Variants in TECRL observed in about 807,000 individuals in gnomAD.
TECRL encodes trans-2,3-enoyl-CoA reductase-like.
TECRL carries 63 observed loss-of-function variants against 52.8 expected under a neutral mutation model. That is an observed-to-expected ratio of 1.19 (90% CI 0.97 to 1.47). The LOEUF is 1.47. Ranked by LOEUF, TECRL falls within the 40% of genes most tolerant of loss-of-function variation. The pLI is 0.00. For synonymous variants in TECRL, 164 were observed against 141.9 expected (o/e 1.16, Z -1.10); for missense variants, 482 against 429.6 (o/e 1.12, Z -1.08).
chr4:64,336,493 G>C (rs1327798781), intron 2 of TECRL, among the ~76,000 whole-genome samples: 3 of 152,026 alleles, frequency 2.0e-5, no homozygotes, highest in Non-Finnish European at 4.4e-5. Context: ...AGGGTTTTTT[G>C]TGTCTCTATC....
intron 1 of TECRL, among the ~76,000 whole-genome samples, chr4:64,399,395 A>AT (rs1724185773): frequency 6.6e-6 from 1 of 152,214 alleles, no homozygotes; most frequent in Non-Finnish European, 1.5e-5. Flanking sequence ...TAGAAAAAAA[A>AT]AGAGTTTTTT....
At chr4:64,333,571 T>C (rs562416166) in intron 2 of TECRL, among the ~76,000 whole-genome samples, 1 of 152,308 alleles carries the variant, frequency 6.6e-6, no homozygotes, top group African/African-American at 2.4e-5. Flanking sequence ...TGTATGTGCA[T>C]ATGCAAAAAA....
chr4:64,329,605 ATC>A (rs1455543005), intron 2 of TECRL, among the ~76,000 whole-genome samples: 5 of 151,948 alleles, frequency 3.3e-5, no homozygotes. Context: ...AAATTTAACT[ATC>A]TAGAAAATAT....
rs749374215 is a variant in TECRL, at chr4:64,409,386, A to G, written c.-35T>C. ...TAAGAGGAGGGTCTGTCATGTCAAA[A>G]GTAGAAAATTGCAAGTGTGTTCCTT... On this transcript the variant is annotated 5_prime_UTR_variant, in exon 1 of 12. Coordinates refer to ENST00000381210, the MANE Select transcript of TECRL (RefSeq NM_001010874.5). 2.1e-5 allele frequency: 34 copies of G among 1,599,286 alleles called. No individual in the cohort carries two copies. Among genetic ancestry groups the G allele is most frequent in the Non-Finnish European group, 2.7e-5 (32 of 1,171,612 alleles).
rs1722823527 is a variant in TECRL, at chr4:64,281,457, A to G, written c.918+17T>C. 6.9e-7 allele frequency: 1 copy of G among 1,449,252 alleles called. No homozygotes were observed. Among genetic ancestry groups the G allele is most frequent in the Non-Finnish European group, 9.6e-7 (1 of 1,041,324 alleles). The allele number at this position is 1,449,252 out of a possible 1,614,324, so 89.8% of individuals were successfully genotyped here. A position where few individuals can be genotyped will look rare whatever the true frequency, so the allele number is the denominator to read the frequency against. On this transcript the variant is annotated intron_variant, in intron 10 of 11. Transcript: ENST00000381210. Reference sequence around the variant, plus strand: ...TCATGAATAGGATTCAAGCATTTACATACATAAATAACATACCTCATAGGT... The same window carrying G: ...TCATGAATAGGATTCAAGCATTTACGTACATAAATAACATACCTCATAGGT...
In TECRL at chr4:64,279,275, G is replaced by A. The variant is rs1722698542; in HGVS notation, c.*797C>T. 6.6e-6 allele frequency: 1 copy of A among 151,748 alleles called. No individual in the cohort carries two copies. The highest frequency in any genetic ancestry group is 6.6e-5 in the Admixed American group (1 of 15,214). 9.4% of individuals were successfully genotyped at this position (151,748 alleles called of 1,614,324 possible). ...ATATGTTATTTTTATTTTATTTTGAGACAGTCTCACTCTGTCACCCAGGCT... is the reference window on the plus strand; with the variant it reads ...ATATGTTATTTTTATTTTATTTTGAAACAGTCTCACTCTGTCACCCAGGCT... On this transcript the variant is annotated 3_prime_UTR_variant, in exon 12 of 12. Transcript: ENST00000381210.
At chr4:64,374,066 T>TAG (rs1303639523) in intron 2 of TECRL, among the ~76,000 whole-genome samples, 4 of 129,706 alleles carry the variant, frequency 3.1e-5, no homozygotes, top group African/African-American at 1.2e-4. Flanking sequence ...TATATATATA[T>TAG]ATATATATAT....
intron 8 of TECRL, among the ~76,000 whole-genome samples, chr4:64,295,867 A>G (rs1364755463): frequency 6.6e-6 from 1 of 151,954 alleles, no homozygotes; most frequent in Admixed American, 6.6e-5. Context: ...TATATCTTTA[A>G]TTAGTCAACT....
chr4:64,370,320 A>G (rs1239253810), intron 2 of TECRL, among the ~76,000 whole-genome samples: 2 of 148,304 alleles, frequency 1.3e-5, no homozygotes, highest in Non-Finnish European at 3.0e-5. Context: ...TAGATTCTCC[A>G]AAAAAAAAGT....
At chr4:64,330,992 G>A (rs1019488451) in intron 2 of TECRL, among the ~76,000 whole-genome samples, 3 of 151,944 alleles carry the variant, frequency 2.0e-5, no homozygotes, top group African/African-American at 7.2e-5. Context: ...CCAATTATAG[G>A]AAATAATCAA....
chr4:64,342,138 T>C (rs1460428899), intron 2 of TECRL, among the ~76,000 whole-genome samples: 1 of 152,196 alleles, frequency 6.6e-6, no homozygotes, highest in African/African-American at 2.4e-5. Flanking sequence ...ATAAAAATAC[T>C]GCCAGATGGA....
chr4:64,375,323 C>A, intron 1 of TECRL, 100 bp from the exon 2 acceptor site: 2 of 568,812 alleles, frequency 3.5e-6, no homozygotes, highest in South Asian at 2.9e-5. Context: ...AATTCTTACA[C>A]AATAAGAATT....
chr4:64,375,399 A>T (rs1379625969), intron 1 of TECRL, among the ~76,000 whole-genome samples, 176 bp from the exon 2 acceptor site: 1 of 151,960 alleles, frequency 6.6e-6, no homozygotes, highest in African/African-American at 2.4e-5. Flanking sequence ...ATCAGTAACA[A>T]TATAATTTTT....
At chr4:64,382,654 T>C (rs1438861573) in intron 1 of TECRL, among the ~76,000 whole-genome samples, 1 of 152,098 alleles carries the variant, frequency 6.6e-6, no homozygotes, top group Non-Finnish European at 1.5e-5. Context: ...GTTTGTAACC[T>C]AATCAGCCAA....
intron 3 of TECRL, among the ~76,000 whole-genome samples, chr4:64,327,921 C>A (rs1317484161): frequency 6.6e-6 from 1 of 151,772 alleles, no homozygotes; most frequent in Admixed American, 6.6e-5. Context: ...AAAAAAAGTA[C>A]ATGCTACCCA....
At chr4:64,309,743 A>G in intron 6 of TECRL, 83 bp downstream of exon 6, 1 of 905,404 alleles carries the variant, frequency 1.1e-6, no homozygotes, top group Non-Finnish European at 1.8e-6. Flanking sequence ...TAAGTTTCGG[A>G]AGGAAACAAT....
intron 4 of TECRL, 70 bp from the exon 5 acceptor site, chr4:64,314,833 G>A: frequency 9.2e-7 from 1 of 1,084,808 alleles, no homozygotes; most frequent in Non-Finnish European, 1.4e-6. Context: ...GTGTCTATGA[G>A]TATTAGCCTA....
At chr4:64,371,438 C>T (rs1377616895) in intron 2 of TECRL, among the ~76,000 whole-genome samples, 6 of 151,092 alleles carry the variant, frequency 4.0e-5, no homozygotes, top group Non-Finnish European at 8.9e-5. Flanking sequence ...ATACAAAATG[C>T]TACCTTTACA....
chr4:64,393,246 C>CA (rs766933522), intron 1 of TECRL, among the ~76,000 whole-genome samples: 18 of 151,712 alleles, frequency 1.2e-4, no homozygotes, highest in Non-Finnish European at 2.1e-4. Flanking sequence ...AAATCTTTGG[C>CA]AAAAAAGGAC....
Sources: gnomAD v4.1 joint callset for allele counts (sites outside exome capture counted in the v4.1 genomes callset) on GRCh38, gnomAD v4.1.1 for gene constraint, MANE v1.5 for transcripts, NCBI Gene and HGNC (gene_info 2026-07-23, HGNC 2026-07-21) for gene names.